Variants in PARD3 observed in about 807,000 individuals in gnomAD.
PARD3 encodes the protein partitioning defective 3 homolog.
PARD3 carries 75 observed loss-of-function variants against 155.4 expected under a neutral mutation model. That is an observed-to-expected ratio of 0.48 (90% CI 0.40 to 0.58). PARD3 has a LOEUF of 0.58. PARD3 is among the 20% of genes least tolerant of loss of function. The pLI is 0.00. For missense variants in PARD3, 1,642 were observed against 1,721.7 expected (o/e 0.95, Z 0.82); for synonymous variants, 576 against 610.5 (o/e 0.94, Z 0.83).
At chr10:34,151,164 T>C (rs1026189862) in intron 22 of PARD3, among the ~76,000 whole-genome samples, 4 of 127,728 alleles carry the variant, frequency 3.1e-5, no homozygotes, top group Admixed American at 3.0e-4. Context: ...AAAAACTTTG[T>C]AAGCTTCATT....
intron 2 of PARD3, among the ~76,000 whole-genome samples, chr10:34,591,057 G>A (rs1335344026): frequency 1.3e-5 from 2 of 152,016 alleles, no homozygotes; most frequent in African/African-American, 2.4e-5. Context: ...AAGTAACAGG[G>A]GAAAACACAC....
intron 22 of PARD3, among the ~76,000 whole-genome samples, chr10:34,244,993 A>T (rs181363256): frequency 1.9e-4 from 29 of 152,300 alleles, no homozygotes; most frequent in African/African-American, 6.3e-4. Context: ...GAGTCCTAAA[A>T]ACAGATCTCA....
At chr10:34,715,235 G>A (rs369415118) in intron 1 of PARD3, among the ~76,000 whole-genome samples, 9 of 151,798 alleles carry the variant, frequency 5.9e-5, no homozygotes, top group South Asian at 2.1e-4. Flanking sequence ...ACACCACCAC[G>A]CCCAGCACAT....
chr10:34,579,979 T>C (rs896851218), intron 2 of PARD3, among the ~76,000 whole-genome samples: 1 of 151,940 alleles, frequency 6.6e-6, no homozygotes, highest in African/African-American at 2.4e-5. Flanking sequence ...TGGTGCAATC[T>C]CAGCTCACTG....
intron 22 of PARD3, among the ~76,000 whole-genome samples, chr10:34,246,704 G>A (rs933091222): frequency 6.7e-6 from 1 of 149,326 alleles, no homozygotes; most frequent in African/African-American, 2.6e-5. Context: ...GCCGTAAGAT[G>A]AACAACTGTG....
chr10:34,776,542 T>C (rs1327384387), intron 1 of PARD3, among the ~76,000 whole-genome samples: 2 of 150,612 alleles, frequency 1.3e-5, no homozygotes, highest in Non-Finnish European at 2.9e-5. Flanking sequence ...TAGCTGAAGT[T>C]CTTGAACAAT....
chr10:34,132,892 G>A (rs1947687037), intron 22 of PARD3, among the ~76,000 whole-genome samples: 1 of 152,106 alleles, frequency 6.6e-6, no homozygotes, highest in South Asian at 2.1e-4. Context: ...GTGGCAGAAT[G>A]GTGCGGCAGA....
intron 3 of PARD3, among the ~76,000 whole-genome samples, chr10:34,500,026 C>A (rs887319171): frequency 6.6e-6 from 1 of 152,176 alleles, no homozygotes; most frequent in Admixed American, 6.5e-5. Flanking sequence ...AGTACAGATG[C>A]AATTTTTTTC....
At chr10:34,585,307 A>C (rs1290528620) in intron 2 of PARD3, among the ~76,000 whole-genome samples, 1 of 152,182 alleles carries the variant, frequency 6.6e-6, no homozygotes, top group African/African-American at 2.4e-5. Context: ...GCTATCAAGG[A>C]AAGCAATCAG....
rs77136037 is a variant in PARD3 at position 34,112,892 on chromosome 10, G to A, written c.3669-1330C>T. On this transcript the variant is annotated intron_variant, in intron 24 of 24. Transcript: ENST00000374788. ...TGGATGAGCATTCCATAGCATGTCT[G>A]TCTCTTTTAACGGAAGACTGCACCA... 5.4e-3 allele frequency among the ~76,000 whole-genome samples: 815 copies of A among 152,288 alleles called. 7 individuals are homozygous for A. The highest frequency in any genetic ancestry group is 0.019 in the African/African-American group (779 of 41,550).
chr10:34,131,503 A>G lies in PARD3; in HGVS notation c.3500T>C (p.Val1167Ala). 1.2e-6 allele frequency: 2 copies of G among 1,614,142 alleles called. No homozygotes were observed. ...ACTATAGGTCCGCCGACGATCTTCT[A>G]CATCTTCATCTTGCTTTGCTTGCTG... The part of the protein sequence containing the change: ...EFQQAKQDED[V>A]EDRRRTYSFE... Residue 1167 changes from valine to alanine, a missense_variant, in exon 23 of 25, where the codon GTA (valine) becomes GCA (alanine). Val to Ala is a moderately conservative substitution (Grantham distance 64). Coordinates refer to ENST00000374788, the MANE Select transcript of PARD3 (RefSeq NM_001184785.2).
chr10:34,288,483 T>C (rs970990346), intron 20 of PARD3, among the ~76,000 whole-genome samples: 1 of 152,148 alleles, frequency 6.6e-6, no homozygotes, highest in Non-Finnish European at 1.5e-5. Context: ...AAAAAGTATC[T>C]ATACCCATAT....
intron 3 of PARD3, among the ~76,000 whole-genome samples, chr10:34,483,170 AC>A (rs2079203817): frequency 6.6e-6 from 1 of 152,092 alleles, no homozygotes; most frequent in African/African-American, 2.4e-5. Flanking sequence ...AAACAAACAA[AC>A]AAAAATGTGT....
intron 19 of PARD3, among the ~76,000 whole-genome samples, chr10:34,325,698 C>T (rs986118797): frequency 2.6e-5 from 4 of 152,136 alleles, no homozygotes; most frequent in South Asian, 2.1e-4. Context: ...GTAGTTTTAG[C>T]GCAATGGGCT....
intron 2 of PARD3, among the ~76,000 whole-genome samples, chr10:34,569,780 C>T (rs778882193): frequency 5.3e-5 from 8 of 151,500 alleles, no homozygotes; most frequent in Non-Finnish European, 1.0e-4. Context: ...GATATCAAAA[C>T]TTATTTTTGA....
chr10:34,393,680 C>T (rs1407077196), intron 7 of PARD3, among the ~76,000 whole-genome samples: 1 of 151,858 alleles, frequency 6.6e-6, no homozygotes, highest in Non-Finnish European at 1.5e-5. Flanking sequence ...CACTTGAGGC[C>T]AAGAGTTTGA....
At chr10:34,560,607 A>C (rs1000230986) in intron 2 of PARD3, among the ~76,000 whole-genome samples, 1 of 152,242 alleles carries the variant, frequency 6.6e-6, no homozygotes. Context: ...CAATTTCTAC[A>C]TTTGAAAGTT....
chr10:34,272,843 A>G (rs1048167830), intron 21 of PARD3, among the ~76,000 whole-genome samples: 6 of 152,248 alleles, frequency 3.9e-5, no homozygotes, highest in Admixed American at 2.0e-4. Context: ...ACTGAAGAGG[A>G]CATATGGATG....
intron 1 of PARD3, among the ~76,000 whole-genome samples, chr10:34,726,791 C>T (rs562716481): frequency 1.3e-5 from 2 of 151,026 alleles, no homozygotes; most frequent in Non-Finnish European, 1.5e-5. Context: ...GAGGCGGGAG[C>T]GGGGGTCTTT....
Sources: allele counts gnomAD v4.1 joint callset (sites outside exome capture counted in the v4.1 genomes callset), GRCh38; gene constraint gnomAD v4.1.1; transcripts MANE v1.5; gene names NCBI Gene and HGNC (gene_info 2026-07-23, HGNC 2026-07-21).